The following ZNF385D variants were observed in gnomAD, a reference collection of about 807,000 sequenced individuals.
The protein encoded by ZNF385D is zinc finger protein 385D.
A neutral mutation model predicts 35.8 loss-of-function variants in ZNF385D; 15 were observed. That is an observed-to-expected ratio of 0.42 (90% CI 0.28 to 0.64). The LOEUF (loss-of-function observed/expected upper bound fraction) is 0.64, where lower values mean the gene tolerates loss of function less well. ZNF385D is among the 30% of genes least tolerant of loss of function. The probability of loss-of-function intolerance (pLI) is 0.23; values close to 1 mark genes in which losing one functional copy is unlikely to be tolerated. For missense variants in ZNF385D, 474 were observed against 494.6 expected (o/e 0.96, Z 0.39); for synonymous variants, 212 against 186.8 (o/e 1.13, Z -1.10).
intron 3 of ZNF385D, among the ~76,000 whole-genome samples, chr3:21,801,617 G>C (rs893543001): frequency 3.3e-5 from 5 of 152,118 alleles, no homozygotes; most frequent in South Asian, 4.1e-4. Flanking sequence ...TACTGTAGCA[G>C]AGCCATTACT....
intron 3 of ZNF385D, among the ~76,000 whole-genome samples, chr3:22,061,587 G>C (rs1289080544): frequency 6.6e-6 from 1 of 152,176 alleles, no homozygotes; most frequent in Non-Finnish European, 1.5e-5. Context: ...CTCAGGATCT[G>C]ATCCTCAATT....
At chr3:21,982,384 G>C (rs1033959175) in intron 3 of ZNF385D, among the ~76,000 whole-genome samples, 11 of 151,964 alleles carry the variant, frequency 7.2e-5, no homozygotes, top group Admixed American at 1.3e-4. Flanking sequence ...CTCTTGGTTT[G>C]GCTGTTGTTG....
At position 21,966,625 on chromosome 3, in the gene ZNF385D, A is replaced by G. The variant is rs562566735; in HGVS notation, c.325+202192T>C. 1.2e-4 allele frequency among the ~76,000 whole-genome samples: 18 copies of G among 152,322 alleles called. No individual in the cohort carries two copies. In the East Asian group the frequency reaches 3.5e-3, roughly 29 times the overall value. ...GAGACGCAGTCACACTCTGTAGCCC[A>G]GGTTGGAGTGCAGTGGTGCAATCTC... On this transcript the variant is annotated intron_variant, in intron 3 of 5. Transcript: ENST00000494108.
intron 3 of ZNF385D, among the ~76,000 whole-genome samples, chr3:21,765,989 T>C (rs1356103689): frequency 6.6e-6 from 1 of 152,092 alleles, no homozygotes; most frequent in African/African-American, 2.4e-5. Context: ...AAGTATTGTA[T>C]ACCAGCTTTT....
chr3:21,469,149 T>G (rs1703725208), intron 4 of ZNF385D, among the ~76,000 whole-genome samples: 2 of 152,190 alleles, frequency 1.3e-5, no homozygotes, highest in South Asian at 4.1e-4. Context: ...ACTATTCATT[T>G]GAAATCTGCA....
chr3:21,533,856 A>G (rs2061979037), intron 3 of ZNF385D, among the ~76,000 whole-genome samples: 1 of 152,150 alleles, frequency 6.6e-6, no homozygotes, highest in Admixed American at 6.5e-5. Context: ...AGCCCAGTTA[A>G]CATTCAATTA....
chr3:21,556,068 G>GTTTTTTTTTTTTTTTTTTTTTTTT (rs148079775), intron 3 of ZNF385D, among the ~76,000 whole-genome samples: 2 of 99,056 alleles, frequency 2.0e-5, no homozygotes, highest in Non-Finnish European at 3.9e-5. Context: ...TTTTGTTTTT[G>GTTTTTTTTTTTTTTTTTTTTTTTT]TTTTTTTTTT....
rs112971663 is a variant in ZNF385D, at chr3:22,300,332, A to G, written c.106+72118T>C. Among the ~76,000 whole-genome samples, 298 of 152,058 alleles carry G rather than the reference A, an allele frequency of 2.0e-3. 5 individuals are homozygous for G. Among genetic ancestry groups the G allele is most frequent in the African/African-American group, 5.8e-3 (241 of 41,548 alleles). ...TTAAGTGTAAAGCCAGAGACTATAA[A>G]ACTGCTAGAAGAAAACAGGGGTACA... is the stretch of plus-strand genomic sequence containing the variant. On this transcript the variant is annotated intron_variant, in intron 2 of 5. Coordinates refer to the ZNF385D transcript ENST00000494108.
chr3:21,672,055 G>C (rs2066592723), intron 1 of ZNF385D, among the ~76,000 whole-genome samples: 1 of 152,078 alleles, frequency 6.6e-6, no homozygotes, highest in Non-Finnish European at 1.5e-5. Context: ...GGATAACAAT[G>C]AGCAATTTTC....
chr3:21,856,915 G>T (rs1696745608), intron 3 of ZNF385D, among the ~76,000 whole-genome samples: 1 of 152,064 alleles, frequency 6.6e-6, no homozygotes, highest in Admixed American at 6.6e-5. Flanking sequence ...TCCAAGGCAT[G>T]AAATCAAAAC....
intron 3 of ZNF385D, among the ~76,000 whole-genome samples, chr3:21,773,597 A>G (rs1420439196): frequency 6.6e-6 from 1 of 151,978 alleles, no homozygotes; most frequent in Non-Finnish European, 1.5e-5. Flanking sequence ...AATCCCATTA[A>G]AAAGTGGGCA....
At chr3:21,484,455 T>G (rs747345856) in intron 4 of ZNF385D, among the ~76,000 whole-genome samples, 17 of 152,182 alleles carry the variant, frequency 1.1e-4, no homozygotes, top group Non-Finnish European at 2.2e-4. Context: ...TCAGTGAACA[T>G]CCAAGACCAA....
At chr3:21,624,131 A>T (rs1404419249) in intron 2 of ZNF385D, among the ~76,000 whole-genome samples, 1 of 152,100 alleles carries the variant, frequency 6.6e-6, no homozygotes, top group African/African-American at 2.4e-5. Flanking sequence ...ACCAATCAAC[A>T]TCATTTAATT....
At chr3:21,828,132 G>A (rs1694766456) in intron 3 of ZNF385D, among the ~76,000 whole-genome samples, 1 of 152,122 alleles carries the variant, frequency 6.6e-6, no homozygotes, top group African/African-American at 2.4e-5. Flanking sequence ...TGTATTTTAT[G>A]GAAGAACAAA....
chr3:21,930,277 C>CAAA (rs11453603), intron 3 of ZNF385D, among the ~76,000 whole-genome samples: 5 of 112,020 alleles, frequency 4.5e-5, no homozygotes, highest in Admixed American at 3.4e-4. Flanking sequence ...TTATACTGTA[C>CAAA]AAAAAAAAAA....
intron 2 of ZNF385D, among the ~76,000 whole-genome samples, chr3:22,266,412 C>T (rs768460015): frequency 1.3e-4 from 19 of 151,928 alleles, no homozygotes; most frequent in Non-Finnish European, 1.8e-4. Context: ...GTAAAACCAG[C>T]GGGTAAGAAG....
chr3:21,908,157 T>TCTATCTAC (rs1553696864), intron 3 of ZNF385D, among the ~76,000 whole-genome samples: 6,417 of 150,254 alleles, frequency 0.043, 227 homozygotes, highest in African/African-American at 0.083. Flanking sequence ...TATCTATCTA[T>TCTATCTAC]CTATCTATCT....
chr3:22,037,992 TAATA>T (rs909492495), intron 3 of ZNF385D, among the ~76,000 whole-genome samples: 6 of 152,130 alleles, frequency 3.9e-5, no homozygotes, highest in African/African-American at 1.4e-4. Context: ...ATTCCCTATT[TAATA>T]AATGGTGCTG....
chr3:21,890,193 G>A (rs989529554), intron 3 of ZNF385D, among the ~76,000 whole-genome samples: 1 of 152,170 alleles, frequency 6.6e-6, no homozygotes, highest in Admixed American at 6.6e-5. Context: ...ATATAAGCAA[G>A]AGAGGGAATA....
Sources: gnomAD v4.1 joint callset for allele counts (sites outside exome capture counted in the v4.1 genomes callset) on GRCh38, gnomAD v4.1.1 for gene constraint, MANE v1.5 for transcripts, NCBI Gene and HGNC (gene_info 2026-07-23, HGNC 2026-07-21) for gene names.